Variants in LRRC69 observed in about 807,000 individuals in gnomAD.
LRRC69 encodes the protein leucine rich repeat containing 69, also known as leucine-rich repeat-containing protein 69.
In LRRC69, 42 loss-of-function variants were observed where a neutral mutation model predicts 37.8. The observed-to-expected ratio is 1.11, with a 90% CI of 0.87 to 1.44. The LOEUF is 1.44. Ranked by LOEUF, LRRC69 falls within the 40% of genes most tolerant of loss-of-function variation. The pLI, the probability that LRRC69 is intolerant of heterozygous loss-of-function variation, is 0.00. For missense variants in LRRC69, 357 were observed against 401.9 expected, an observed-to-expected ratio of 0.89 and a Z score of 0.96; for synonymous variants, 141 against 143.1, an observed-to-expected ratio of 0.99 and a Z score of 0.11.
chr8:91,134,156 A>G (rs956072363), intron 4 of LRRC69, among the ~76,000 whole-genome samples: 24 of 151,156 alleles, frequency 1.6e-4, no homozygotes, highest in Admixed American at 4.0e-4. Flanking sequence ...AGGCACTAGC[A>G]GGAAGTGACA....
intron 7 of LRRC69, among the ~76,000 whole-genome samples, chr8:91,203,821 T>C (rs115115620): frequency 0.013 from 1,935 of 152,036 alleles, 49 homozygotes; most frequent in African/African-American, 0.045. Context: ...AGCATCCACA[T>C]TTTTATGAAG....
chr8:91,214,742 T>C (rs1256252720), intron 7 of LRRC69, among the ~76,000 whole-genome samples: 1 of 152,172 alleles, frequency 6.6e-6, no homozygotes, highest in African/African-American at 2.4e-5. Context: ...TGGAACATGA[T>C]AACAGTATTA....
chr8:91,180,133 A>G (rs1463445732), intron 5 of LRRC69, among the ~76,000 whole-genome samples: 1 of 152,232 alleles, frequency 6.6e-6, no homozygotes, highest in Non-Finnish European at 1.5e-5. Context: ...AGCTGCTTAA[A>G]GCATCAGAGA....
At chr8:91,196,006 C>T (rs1211099137) in intron 6 of LRRC69, among the ~76,000 whole-genome samples, 9 of 152,236 alleles carry the variant, frequency 5.9e-5, no homozygotes, top group South Asian at 2.1e-4. Flanking sequence ...CCATGTTTAG[C>T]GCTTCCTTCA....
intron 6 of LRRC69, among the ~76,000 whole-genome samples, chr8:91,191,119 T>G (rs1031464757): frequency 6.7e-6 from 1 of 150,240 alleles, no homozygotes; most frequent in Non-Finnish European, 1.5e-5. Flanking sequence ...ACATTTTTAG[T>G]TCCTGTGCAT....
intron 7 of LRRC69, among the ~76,000 whole-genome samples, chr8:91,212,457 G>T (rs530493085): frequency 1.3e-5 from 2 of 152,084 alleles, no homozygotes; most frequent in Non-Finnish European, 2.9e-5. Context: ...AAAGAGATTA[G>T]ACTGCGTAGG....
rs1418377177 is a variant in LRRC69 at position 91,197,114 on chromosome 8, G to A, written c.754-3499G>A. On this transcript the variant is annotated intron_variant, in intron 6 of 7. Transcript: ENST00000448384. ...GAGTACCCTGCGGTGTGAGGTGTCA[G>A]TGTGCCCCTGCTGGGGGGTGCCTCC... is the stretch of plus-strand genomic sequence containing the variant. Among the ~76,000 whole-genome samples the A allele has an allele frequency of 3.3e-5, 5 of 152,062 alleles. No individual in the cohort carries two copies. In the South Asian group the frequency reaches 1.0e-3, roughly 32 times the overall value.
At chr8:91,111,886 G>A (rs1219096951) in intron 1 of LRRC69, among the ~76,000 whole-genome samples, 1 of 151,144 alleles carries the variant, frequency 6.6e-6, no homozygotes, top group Non-Finnish European at 1.5e-5. Context: ...GAACTTAAAA[G>A]TGAAAAAAAT....
At chr8:91,178,912 TGCTTTTTCTTCTCCTGTATGATTTC>T (rs946840144) in intron 5 of LRRC69, among the ~76,000 whole-genome samples, 83 of 152,358 alleles carry the variant, frequency 5.4e-4, no homozygotes, top group African/African-American at 1.8e-3. Flanking sequence ...CTACCCTGAA[TGCTTTTTCTTCTCCTGTATGATTTC>T]GCCTTGACTT....
Position 91,211,669 on chromosome 8 carries a change from T to A in LRRC69, c.934-7221T>A, listed in dbSNP as rs971591431. Among the ~76,000 whole-genome samples, 8 of 150,552 alleles carry A rather than the reference T, an allele frequency of 5.3e-5. 1 individual carries two copies. The South Asian group carries it at 6.2e-4, about 12-fold the overall frequency. ...GCCTCTCTTTCTGTTAAATTTTTTT[T>A]AATTTGTTAATTATCTCTTCAGAAA... On this transcript the variant is annotated intron_variant, in intron 7 of 7. Transcript: ENST00000448384.
intron 1 of LRRC69, among the ~76,000 whole-genome samples, chr8:91,120,619 C>T (rs1813601907): frequency 6.6e-6 from 1 of 152,208 alleles, no homozygotes; most frequent in East Asian, 1.9e-4. Flanking sequence ...CAGGTAAAGC[C>T]CTTCCTTGCA....
At chr8:91,214,564 C>T (rs1477104932) in intron 7 of LRRC69, among the ~76,000 whole-genome samples, 1 of 152,084 alleles carries the variant, frequency 6.6e-6, no homozygotes, top group Admixed American at 6.6e-5. Context: ...AATCTTGTCT[C>T]TACCTTGAAA....
At chr8:91,185,122 C>A (rs1043389308) in intron 5 of LRRC69, among the ~76,000 whole-genome samples, 1 of 152,130 alleles carries the variant, frequency 6.6e-6, no homozygotes, top group African/African-American at 2.4e-5. Context: ...GAAATGGGGT[C>A]TAAAGCAGGT....
chr8:91,115,713 A>G (rs896976642), intron 1 of LRRC69, among the ~76,000 whole-genome samples: 1 of 151,884 alleles, frequency 6.6e-6, no homozygotes, highest in Non-Finnish European at 1.5e-5. Flanking sequence ...TTGTAAATCA[A>G]AGCGATTTTC....
chr8:91,126,724 G>A (rs1018909561), intron 2 of LRRC69, among the ~76,000 whole-genome samples: 3 of 152,060 alleles, frequency 2.0e-5, no homozygotes, highest in Non-Finnish European at 4.4e-5. Flanking sequence ...GGAGGAAAGA[G>A]AGAGCGGGTA....
At position 91,191,097 on chromosome 8, in the gene LRRC69, C is replaced by G. The variant is rs1000020769; in HGVS notation, c.753+1474C>G. ...CAACAAAAAGCAAAGGGACAGTGAC[C>G]ATTCTCATAGTACATTTTTAGTTCC... On this transcript the variant is annotated intron_variant, in intron 6 of 7. Transcript: ENST00000448384. Among the ~76,000 whole-genome samples the G allele has an allele frequency of 4.1e-5, 6 of 146,024 alleles. No homozygotes were observed. In the East Asian group the frequency reaches 6.2e-4, roughly 15 times the overall value.
intron 5 of LRRC69, among the ~76,000 whole-genome samples, chr8:91,183,787 AT>A (rs1243152759): frequency 1.3e-5 from 2 of 152,104 alleles, no homozygotes; most frequent in Non-Finnish European, 2.9e-5. Flanking sequence ...GTTGGTGATG[AT>A]GAATTTATGG....
chr8:91,135,704 A>T, exon 5 of LRRC69: 1 of 1,458,956 alleles, frequency 6.9e-7, no homozygotes, highest in Non-Finnish European at 9.0e-7. Flanking sequence ...AATCCTAGAC[A>T]TAGCTGGAAA....
intron 3 of LRRC69, among the ~76,000 whole-genome samples, chr8:91,131,977 T>C (rs754428039): frequency 1.1e-4 from 17 of 151,924 alleles, no homozygotes; most frequent in Non-Finnish European, 2.4e-4. Context: ...CCATTTTCTT[T>C]TGTTGTTTTT....
Sources: gnomAD v4.1 joint callset for allele counts (sites outside exome capture counted in the v4.1 genomes callset) on GRCh38, gnomAD v4.1.1 for gene constraint, MANE v1.5 for transcripts, NCBI Gene and HGNC (gene_info 2026-07-23, HGNC 2026-07-21) for gene names.